The following COL4A2 variants were observed in gnomAD, a reference collection of about 807,000 sequenced individuals.
COL4A2 encodes collagen alpha-2(IV) chain.
A neutral mutation model predicts 200.2 loss-of-function variants in COL4A2; 99 were observed. The observed-to-expected ratio is 0.49, with a 90% CI of 0.42 to 0.58. COL4A2 has a LOEUF of 0.58. COL4A2 is among the 20% of genes least tolerant of loss of function. COL4A2 has a pLI of 0.00. For missense variants in COL4A2, 1,950 were observed against 2,314.1 expected, an observed-to-expected ratio of 0.84 and a Z score of 3.23; for synonymous variants, 897 against 900.6, an observed-to-expected ratio of 1.00 and a Z score of 0.07.
chr13:110,430,682 G>A (rs1437959278), intron 10 of COL4A2, 75 bp downstream of exon 10: 1 of 1,583,304 alleles, frequency 6.3e-7, no homozygotes, highest in Non-Finnish European at 8.7e-7. Context: ...TTCTTCAATG[G>A]TTGACTCCAG....
Position 110,308,098 on chromosome 13 carries a change from G to T in COL4A2, c.74G>T (p.Gly25Val). ...CTGCTGCTGGGGACAGTGACCGTGG[G>T]GTTCCTCGCCCAGAGCGTCTTGGCG... ...RWLLLGTVTV[G>V]FLAQSVLAGV... The change falls in exon 3 of 48, where the codon GGG becomes GTG. Residue 25 changes from glycine (G) to valine (V), a missense_variant. This residue lies in a region of COL4A2 where 565 missense variants were observed against 593.5 expected (regional missense o/e 0.95). Coordinates refer to ENST00000360467, the MANE Select transcript of COL4A2 (RefSeq NM_001846.4). 1 of 1,613,820 alleles carries T rather than the reference G, an allele frequency of 6.2e-7. No homozygotes were observed. Among genetic ancestry groups the T allele is most frequent in the Non-Finnish European group, 8.5e-7 (1 of 1,180,026 alleles).
chr13:110,421,393 T>G (rs1160652259), intron 4 of COL4A2, among the ~76,000 whole-genome samples: 1 of 152,180 alleles, frequency 6.6e-6, no homozygotes, highest in Non-Finnish European at 1.5e-5. Flanking sequence ...TTGTGGTCTA[T>G]CCGTACAGTG....
At chr13:110,505,305 G>C (rs1027512401) in intron 45 of COL4A2, among the ~76,000 whole-genome samples, 8 of 152,094 alleles carry the variant, frequency 5.3e-5, no homozygotes, top group Admixed American at 1.3e-4. Context: ...AGCCAAGATC[G>C]CGCCACTGCA....
intron 4 of COL4A2, among the ~76,000 whole-genome samples, chr13:110,398,663 A>G (rs1346563822): frequency 6.6e-6 from 1 of 152,150 alleles, no homozygotes; most frequent in Non-Finnish European, 1.5e-5. Context: ...ACTGCCCTCC[A>G]GTCTAGGTGA....
chr13:110,471,639 C>G (rs74126663), intron 28 of COL4A2, among the ~76,000 whole-genome samples: 10,248 of 152,242 alleles, frequency 0.067, 415 homozygotes, highest in African/African-American at 0.11. Context: ...TGAGTACGGT[C>G]TAGCTGATTA....
intron 16 of COL4A2, among the ~76,000 whole-genome samples, chr13:110,443,174 G>A (rs7328672): frequency 0.41 from 61,605 of 152,024 alleles, 12,780 homozygotes; most frequent in South Asian, 0.49. Flanking sequence ...ATACTAAATC[G>A]CATCTCATTT....
At chr13:110,406,639 T>TC (rs1194979332) in intron 4 of COL4A2, among the ~76,000 whole-genome samples, 1 of 151,652 alleles carries the variant, frequency 6.6e-6, no homozygotes, top group Non-Finnish European at 1.5e-5. Flanking sequence ...GACTCTTTTT[T>TC]TTTTCTTGGT....
rs559339260 is a variant in COL4A2, at chr13:110,446,000, C to G, written c.1011+118C>G. On this transcript the variant is annotated intron_variant, in intron 17 of 47. Transcript: ENST00000360467. ...CCCTGCCCTAAAAAGTACAAGATCC[C>G]CAAATACACGGCCTCTGACACTGGA... The G allele has an allele frequency of 9.5e-5, 99 of 1,037,334 alleles. 1 individual carries two copies. The highest frequency in any genetic ancestry group is 8.2e-4 in the Middle Eastern group (3 of 3,674). 64.3% of individuals were successfully genotyped at this position (1,037,334 alleles called of 1,614,324 possible). A position where few individuals can be genotyped will look rare whatever the true frequency, so the allele number is the denominator to read the frequency against.
At position 110,358,794 on chromosome 13, in the gene COL4A2, A is replaced by G. The variant is rs77216944; in HGVS notation, c.180+1242A>G. ...CATACTTTGCTAAGAAATTTAATCA[A>G]TTGTATTCTGTTCCACTAGAACAAA... On this transcript the variant is annotated intron_variant, in intron 4 of 47. Transcript: ENST00000360467. Among the ~76,000 whole-genome samples, 737 of 152,334 alleles carry G rather than the reference A, an allele frequency of 4.8e-3. 5 individuals carry two copies. The highest frequency in any genetic ancestry group is 0.017 in the African/African-American group (699 of 41,576).
At chr13:110,465,904 A>G (rs1365657597) in intron 25 of COL4A2, 99 bp from the exon 26 acceptor site, 2 of 1,423,352 alleles carry the variant, frequency 1.4e-6, no homozygotes, top group East Asian at 4.6e-5. Context: ...CACCAGCAAC[A>G]TATACGACAC....
intron 16 of COL4A2, 137 bp downstream of exon 16, chr13:110,439,970 C>A: frequency 7.5e-7 from 1 of 1,328,638 alleles, no homozygotes; most frequent in Non-Finnish European, 1.0e-6. Flanking sequence ...TATTTGCAGT[C>A]ACAAAGATAA....
chr13:110,493,049 A>G (rs1883336957), intron 38 of COL4A2, among the ~76,000 whole-genome samples, 162 bp from the exon 39 acceptor site: 1 of 151,428 alleles, frequency 6.6e-6, no homozygotes, highest in South Asian at 2.1e-4. Flanking sequence ...TGACACCCCC[A>G]CAGGTGAAAT....
chr13:110,315,065 A>C (rs1594140516), intron 3 of COL4A2, among the ~76,000 whole-genome samples: 2 of 152,308 alleles, frequency 1.3e-5, no homozygotes, highest in Middle Eastern at 6.8e-3. Context: ...TGCCATTGAT[A>C]ACTGGAAATG....
intron 41 of COL4A2, among the ~76,000 whole-genome samples, chr13:110,502,303 T>C (rs1883672217): frequency 6.6e-6 from 1 of 151,592 alleles, no homozygotes; most frequent in Non-Finnish European, 1.5e-5. Flanking sequence ...ACAAGAGGAG[T>C]CCGTCTTTTT....
rs530522860 is a variant in COL4A2 at position 110,457,840 on chromosome 13, A to G, written c.1432+405A>G. 1.3e-5 allele frequency: 6 copies of G among 463,408 alleles called. No individual in the cohort carries two copies. The East Asian group carries it at 2.8e-4, about 21-fold the overall frequency. 28.7% of individuals were successfully genotyped at this position (463,408 alleles called of 1,614,324 possible). ...GCTCTGTCCATAGCAAGGTGCTGGT[A>G]TAGTCACCATCCCTGGTCCTACTGA... is the stretch of plus-strand genomic sequence containing the variant. On this transcript the variant is annotated intron_variant, in intron 21 of 47. Transcript: ENST00000360467.
rs549857523 is a variant in COL4A2 at position 110,395,927 on chromosome 13, G to C, written c.181-28807G>C. On this transcript the variant is annotated intron_variant, in intron 4 of 47. Coordinates refer to ENST00000360467, the MANE Select transcript of COL4A2 (RefSeq NM_001846.4). ...GCCACAGCACTTTAGTCTGGGCAAC[G>C]GAGCAAGATTCTGTCTCAAAATAAA... 2.6e-5 allele frequency among the ~76,000 whole-genome samples: 4 copies of C among 152,270 alleles called. No homozygotes were observed. In the South Asian group the frequency reaches 6.2e-4, roughly 24 times the overall value.
intron 22 of COL4A2, 70 bp from the exon 23 acceptor site, chr13:110,462,044 T>C: frequency 1.3e-6 from 2 of 1,587,266 alleles, no homozygotes; most frequent in Non-Finnish European, 1.7e-6. Context: ...ATGAAAAAGC[T>C]TGCCAGCCAT....
rs181263839 is a variant in COL4A2 at position 110,416,551 on chromosome 13, G to A, written c.181-8183G>A. Among the ~76,000 whole-genome samples, 240 of 152,308 alleles carry A rather than the reference G, an allele frequency of 1.6e-3. 1 individual carries two copies. The highest frequency in any genetic ancestry group is 5.5e-3 in the African/African-American group (227 of 41,558). On this transcript the variant is annotated intron_variant, in intron 4 of 47. Coordinates refer to ENST00000360467, the MANE Select transcript of COL4A2 (RefSeq NM_001846.4). Reference sequence around the variant, plus strand: ...CATATCCAGAATATAAAAAGTTTGGGCTAAAAGCCATTGAGCACAACCACC... The same window carrying A: ...CATATCCAGAATATAAAAAGTTTGGACTAAAAGCCATTGAGCACAACCACC...
At chr13:110,348,073 A>T (rs555982456) in intron 3 of COL4A2, among the ~76,000 whole-genome samples, 16 of 152,260 alleles carry the variant, frequency 1.1e-4, no homozygotes, top group Middle Eastern at 3.4e-3. Context: ...AACTACTGTC[A>T]TTTCTTTCTG....
Sources: allele counts gnomAD v4.1 joint callset (sites outside exome capture counted in the v4.1 genomes callset), GRCh38; gene constraint gnomAD v4.1.1; regional missense constraint gnomAD v4.1.1; transcripts MANE v1.5; gene names NCBI Gene and HGNC (gene_info 2026-07-23, HGNC 2026-07-21).